Variants in CCDC71L observed in about 807,000 individuals in gnomAD.
CCDC71L encodes the protein coiled-coil domain-containing protein 71L.
In CCDC71L, 6 loss-of-function variants were observed where a neutral mutation model predicts 10.2. The ratio of observed to expected loss-of-function variants is 0.59; its 90% CI spans 0.32 to 1.16. CCDC71L has a LOEUF of 1.16. CCDC71L is among the 50% of genes most tolerant of loss of function. CCDC71L has a pLI of 0.05. For missense variants in CCDC71L, 366 were observed against 383.4 expected (o/e 0.95, Z 0.38); for synonymous variants, 204 against 175.5 (o/e 1.16, Z -1.28).
At position 106,660,865 on chromosome 7, in the gene CCDC71L, C is replaced by A; in HGVS notation, c.32G>T (p.Arg11Leu). 6.8e-7 allele frequency: 1 copy of A among 1,463,146 alleles called. No homozygotes were observed. Among genetic ancestry groups the A allele is most frequent in the Non-Finnish European group, 9.0e-7 (1 of 1,114,358 alleles). The allele number at this position is 1,463,146 out of a possible 1,614,324, so 90.6% of individuals were successfully genotyped here. A position where few individuals can be genotyped will look rare whatever the true frequency, so the allele number is the denominator to read the frequency against. Residue 11 changes from arginine (R) to leucine (L), a missense_variant, in exon 1 of 1, where the codon CGG becomes CTG. Coordinates refer to ENST00000523505, the MANE Select transcript of CCDC71L (RefSeq NM_175884.6). The surrounding 1 kb of genome is among the most constrained non-coding windows in gnomAD (Gnocchi z 7.5). Reference sequence around the variant, plus strand: ...GGCCGTGGCCGGGGCGACCGGGCGCCGGCGCCGCCGCCTCTTCATACTGCG... The same window carrying A: ...GGCCGTGGCCGGGGCGACCGGGCGCAGGCGCCGCCGCCTCTTCATACTGCG... MRRSMKRRRRRRPVAPATAAR... is the reference protein window; with the variant it reads MRRSMKRRRRLRPVAPATAAR...
Position 106,660,996 on chromosome 7 carries a change from C to T in CCDC71L, c.-100G>A. The T allele has an allele frequency of 4.7e-6, 6 of 1,288,912 alleles. No individual in the cohort carries two copies. The highest frequency in any genetic ancestry group is 5.9e-6 in the Non-Finnish European group (6 of 1,019,808). 79.8% of individuals were successfully genotyped at this position (1,288,912 alleles called of 1,614,324 possible). ...GCGGCGGCGGCTGCTGCTGGCGTCT[C>T]TCGCTACTTTTCTCGCCTCCGCCGC... On this transcript the variant is annotated 5_prime_UTR_variant, in exon 1 of 1. Coordinates refer to ENST00000523505, the MANE Select transcript of CCDC71L (RefSeq NM_175884.6). This position sits in a 1 kb window ranked among gnomAD's most constrained non-coding sequence, Gnocchi z 7.5.
At position 106,660,912 on chromosome 7, in the gene CCDC71L, GC is replaced by G; in HGVS notation, c.-17del. 7.4e-7 allele frequency: 1 copy of G among 1,356,690 alleles called. No individual in the cohort carries two copies. The highest frequency in any genetic ancestry group is 9.4e-7 in the Non-Finnish European group (1 of 1,058,438). 84.0% of individuals were successfully genotyped at this position (1,356,690 alleles called of 1,614,324 possible). On this transcript the variant is annotated 5_prime_UTR_variant, in exon 1 of 1. Coordinates refer to ENST00000523505, the MANE Select transcript of CCDC71L (RefSeq NM_175884.6). This position sits in a 1 kb window ranked among gnomAD's most constrained non-coding sequence, Gnocchi z 7.5. ...TGCGCCGCATCGAAGGCCGCTCCGG[GC>G]CACTCACGCTCGCCGGGTCCCACTA...
In CCDC71L at chr7:106,654,585, T is replaced by G. The variant is rs1477952146; in HGVS notation, c.*5604A>C. ...TAGACACATGACCAATAATTCCATT[T>G]ATGTAAAGTTCAAAAATAAGCAAAA... On this transcript the variant is annotated 3_prime_UTR_variant, in exon 1 of 1. Coordinates refer to ENST00000523505, the MANE Select transcript of CCDC71L (RefSeq NM_175884.6). Among the ~76,000 whole-genome samples, 1 of 152,138 alleles carries G rather than the reference T, an allele frequency of 6.6e-6. No individual in the cohort carries two copies. The highest frequency in any genetic ancestry group is 6.5e-5 in the Admixed American group (1 of 15,278).
rs1792582679 is a variant in CCDC71L, at chr7:106,660,830, C to A, written c.67G>T (p.Gly23Cys). ...GCCCCGTCTTCTGCCCTAAAGTCGCCGCCCCGGGCGGCCGTGGCCGGGGCG... is the reference window on the plus strand; with the variant it reads ...GCCCCGTCTTCTGCCCTAAAGTCGCAGCCCCGGGCGGCCGTGGCCGGGGCG... ...PVAPATAARGGDFRAEDGAGL... is the reference protein window; with the variant it reads ...PVAPATAARGCDFRAEDGAGL... Residue 23 changes from glycine (G) to cysteine (C), a missense_variant, in exon 1 of 1, where the codon GGC (glycine) becomes TGC (cysteine). Gly to Cys is a radical substitution (Grantham distance 159). Transcript: ENST00000523505. The surrounding 1 kb of genome is among the most constrained non-coding windows in gnomAD (Gnocchi z 7.5). 6.5e-7 allele frequency: 1 copy of A among 1,528,078 alleles called. No individual in the cohort carries two copies. The highest frequency in any genetic ancestry group is 8.8e-7 in the Non-Finnish European group (1 of 1,138,318). The allele number at this position is 1,528,078 out of a possible 1,614,324, so 94.7% of individuals were successfully genotyped here.
rs778725958 is a variant in CCDC71L, at chr7:106,660,654, G to T, written c.243C>A (p.Leu81=). 1 of 1,589,286 alleles carries T rather than the reference G, an allele frequency of 6.3e-7. No individual in the cohort carries two copies. Among genetic ancestry groups the T allele is most frequent in the Non-Finnish European group, 8.6e-7 (1 of 1,168,094 alleles). The part of the protein sequence containing the change: ...MSSDAELWSF[L]CSLKHQFSPH... ...GGGAGAACTGGTGCTTGAGGCTGCA[G>T]AGGAAGCTCCAGAGCTCCGCGTCCG... The change falls in exon 1 of 1, where the codon CTC becomes CTA. Residue 81 remains leucine, a synonymous_variant. Transcript: ENST00000523505. The surrounding 1 kb of genome is among the most constrained non-coding windows in gnomAD (Gnocchi z 7.5).
In CCDC71L at chr7:106,660,469, C is replaced by T; in HGVS notation, c.428G>A (p.Arg143His). The T allele has an allele frequency of 3.3e-6, 4 of 1,225,304 alleles. No individual in the cohort carries two copies. Among genetic ancestry groups the T allele is most frequent in the Non-Finnish European group, 3.0e-6 (3 of 985,304 alleles). The allele number at this position is 1,225,304 out of a possible 1,614,324, so 75.9% of individuals were successfully genotyped here. A position where few individuals can be genotyped will look rare whatever the true frequency, so the allele number is the denominator to read the frequency against. ...RRRGARAAAARRRKPRPPPPP... is the reference protein window; with the variant it reads ...RRRGARAAAAHRRKPRPPPPP... ...GGGTGGCGGCCGGGGCTTCCTCCTGCGGGCAGCGGCCGCCCGGGCTCCGCG... is the reference window on the plus strand; with the variant it reads ...GGGTGGCGGCCGGGGCTTCCTCCTGTGGGCAGCGGCCGCCCGGGCTCCGCG... Residue 143 changes from arginine to histidine, a missense_variant, in exon 1 of 1, where the codon CGC becomes CAC. Arg to His is a conservative substitution (Grantham distance 29). Transcript: ENST00000523505. This position sits in a 1 kb window ranked among gnomAD's most constrained non-coding sequence, Gnocchi z 7.5.
In CCDC71L at chr7:106,660,528, C is replaced by T. The variant is rs1412876760; in HGVS notation, c.369G>A (p.Arg123=). 6 of 1,453,572 alleles carry T rather than the reference C, an allele frequency of 4.1e-6. No homozygotes were observed. The highest frequency in any genetic ancestry group is 3.0e-5 in the African/African-American group (2 of 67,678). The allele number at this position is 1,453,572 out of a possible 1,614,324, so 90.0% of individuals were successfully genotyped here. A position where few individuals can be genotyped will look rare whatever the true frequency, so the allele number is the denominator to read the frequency against. ...GPPTARGQAR[R]PVPRAAARRR... ...TCCTGGCCGCTGCGCGCGGAACCGG[C>T]CGGCGCGCCTGGCCGCGGGCTGTAG... The change falls in exon 1 of 1, where the codon CGG becomes CGA. Residue 123 remains arginine (R), a synonymous_variant. Coordinates refer to ENST00000523505, the MANE Select transcript of CCDC71L (RefSeq NM_175884.6). This position sits in a 1 kb window ranked among gnomAD's most constrained non-coding sequence, Gnocchi z 7.5.
At position 106,656,958 on chromosome 7, in the gene CCDC71L, C is replaced by T. The variant is rs1792501702; in HGVS notation, c.*3231G>A. Reference sequence around the variant, plus strand: ...TTTAAACACACCAATAAATATTAGGCATGTATGTCCATTAAAAACCATTAA... The same window carrying T: ...TTTAAACACACCAATAAATATTAGGTATGTATGTCCATTAAAAACCATTAA... On this transcript the variant is annotated 3_prime_UTR_variant, in exon 1 of 1. Transcript: ENST00000523505. The T allele has an allele frequency of 6.6e-6, 1 of 152,174 alleles. No homozygotes were observed. The highest frequency in any genetic ancestry group is 2.1e-4 in the South Asian group (1 of 4,834). The allele number at this position is 152,174 out of a possible 1,614,324, so 9.4% of individuals were successfully genotyped here.
Position 106,661,134 on chromosome 7 carries a change from TG to T in CCDC71L, c.-239del. The T allele has an allele frequency of 2.2e-6, 1 of 456,102 alleles. No individual in the cohort carries two copies. The allele number at this position is 456,102 out of a possible 1,614,324, so 28.3% of individuals were successfully genotyped here. A position where few individuals can be genotyped will look rare whatever the true frequency, so the allele number is the denominator to read the frequency against. Reference sequence around the variant, plus strand: ...GTCATTGGACGGCGCCTCGCCCCCCTGGTTTCTCTTTCTTCTCCTCTCTTGC... The same window carrying T: ...GTCATTGGACGGCGCCTCGCCCCCCTGTTTCTCTTTCTTCTCCTCTCTTGC... On this transcript the variant is annotated 5_prime_UTR_variant, in exon 1 of 1. Transcript: ENST00000523505.
Position 106,660,651 on chromosome 7 carries a change from G to A in CCDC71L, c.246C>T (p.Cys82=), listed in dbSNP as rs757091959. The A allele has an allele frequency of 1.9e-6, 3 of 1,588,994 alleles. No homozygotes were observed. In the African/African-American group the frequency reaches 4.0e-5, roughly 21 times the overall value. The change falls in exon 1 of 1, where the codon TGC becomes TGT. Residue 82 remains cysteine, a synonymous_variant. Transcript: ENST00000523505. This position sits in a 1 kb window ranked among gnomAD's most constrained non-coding sequence, Gnocchi z 7.5. ...SSDAELWSFL[C]SLKHQFSPHI... is the part of the protein sequence containing the mutation. ...GCGGGGAGAACTGGTGCTTGAGGCT[G>A]CAGAGGAAGCTCCAGAGCTCCGCGT... is the stretch of plus-strand genomic sequence containing the variant.
chr7:106,660,818 C>T lies in CCDC71L; in HGVS notation c.79G>A (p.Ala27Thr). 1 of 1,534,982 alleles carries T rather than the reference C, an allele frequency of 6.5e-7. No homozygotes were observed. The highest frequency in any genetic ancestry group is 2.1e-5 in the Admixed American group (1 of 48,594). ...GCCTCCAACCCAGCCCCGTCTTCTGCCCTAAAGTCGCCGCCCCGGGCGGCC... is the reference window on the plus strand; with the variant it reads ...GCCTCCAACCCAGCCCCGTCTTCTGTCCTAAAGTCGCCGCCCCGGGCGGCC... ...ATAARGGDFR[A>T]EDGAGLEARE... The change falls in exon 1 of 1, where the codon GCA becomes ACA. Residue 27 changes from alanine (A) to threonine (T), a missense_variant. By Grantham distance (58) the Ala-to-Thr change is moderately conservative. Transcript: ENST00000523505. This position sits in a 1 kb window ranked among gnomAD's most constrained non-coding sequence, Gnocchi z 7.5.
rs373438045 is a variant in CCDC71L, at chr7:106,654,905, C to T, written c.*5284G>A. On this transcript the variant is annotated 3_prime_UTR_variant, in exon 1 of 1. Transcript: ENST00000523505. ...AAAGAATATGTACTTGAAAAAAATC[C>T]TTGAAAAGAGAAATATGTACACATT... Among the ~76,000 whole-genome samples the T allele has an allele frequency of 6.6e-5, 10 of 151,744 alleles. No homozygotes were observed. Among genetic ancestry groups the T allele is most frequent in the African/African-American group, 2.2e-4 (9 of 41,358 alleles).
At position 106,660,338 on chromosome 7, in the gene CCDC71L, T is replaced by C. The variant is rs1792568624; in HGVS notation, c.559A>G (p.Thr187Ala). The C allele has an allele frequency of 1.3e-6, 2 of 1,485,350 alleles. No individual in the cohort carries two copies. The highest frequency in any genetic ancestry group is 8.9e-7 in the Non-Finnish European group (1 of 1,126,654). 92.0% of individuals were successfully genotyped at this position (1,485,350 alleles called of 1,614,324 possible). Residue 187 changes from threonine to alanine, a missense_variant, in exon 1 of 1, where the codon ACG (threonine) becomes GCG (alanine). Physicochemically the swap from Thr to Ala is moderately conservative, Grantham distance 58. Coordinates refer to ENST00000523505, the MANE Select transcript of CCDC71L (RefSeq NM_175884.6). This position sits in a 1 kb window ranked among gnomAD's most constrained non-coding sequence, Gnocchi z 7.5. ...LEEIWRAATPTLTTFPTIRVG... is the reference protein window; with the variant it reads ...LEEIWRAATPALTTFPTIRVG... ...CGGATGGTGGGGAAGGTGGTCAGCG[T>C]CGGGGTGGCCGCCCTCCAGATCTCC...
At position 106,660,985 on chromosome 7, in the gene CCDC71L, T is replaced by TGCTGG; in HGVS notation, c.-94_-90dup. ...GCGTTGGCTCCGCGGCGGCGGCTGC[T>TGCTGG]GCTGGCGTCTCTCGCTACTTTTCTC... On this transcript the variant is annotated 5_prime_UTR_variant, in exon 1 of 1. Coordinates refer to ENST00000523505, the MANE Select transcript of CCDC71L (RefSeq NM_175884.6). The surrounding 1 kb of genome is among the most constrained non-coding windows in gnomAD (Gnocchi z 7.5). 7.7e-7 allele frequency: 1 copy of TGCTGG among 1,292,484 alleles called. No individual in the cohort carries two copies. The highest frequency in any genetic ancestry group is 9.8e-7 in the Non-Finnish European group (1 of 1,022,532). 80.1% of individuals were successfully genotyped at this position (1,292,484 alleles called of 1,614,324 possible).
At position 106,660,091 on chromosome 7, in the gene CCDC71L, C is replaced by G. The variant is rs1363707116; in HGVS notation, c.*98G>C. ...AGTGCATTGGGGGCCGGGGTCCTGG[C>G]CGGATCTGTAAACACTCGACTGACA... On this transcript the variant is annotated 3_prime_UTR_variant, in exon 1 of 1. Coordinates refer to ENST00000523505, the MANE Select transcript of CCDC71L (RefSeq NM_175884.6). The surrounding 1 kb of genome is among the most constrained non-coding windows in gnomAD (Gnocchi z 7.5). 7.3e-7 allele frequency: 1 copy of G among 1,369,682 alleles called. No homozygotes were observed. Among genetic ancestry groups the G allele is most frequent in the Non-Finnish European group, 9.4e-7 (1 of 1,060,702 alleles). The allele number at this position is 1,369,682 out of a possible 1,614,324, so 84.8% of individuals were successfully genotyped here.
rs1792554061 is a variant in CCDC71L, at chr7:106,659,731, A to G, written c.*458T>C. The G allele has an allele frequency of 6.5e-6, 1 of 153,688 alleles. No individual in the cohort carries two copies. Among genetic ancestry groups the G allele is most frequent in the Non-Finnish European group, 1.5e-5 (1 of 68,758 alleles). 9.5% of individuals were successfully genotyped at this position (153,688 alleles called of 1,614,324 possible). A position where few individuals can be genotyped will look rare whatever the true frequency, so the allele number is the denominator to read the frequency against. ...ACTTCTGTCCACAAAGAGGGGTGACAGTGAAATAGAAAAAGGGGGAGATAA... is the reference window on the plus strand; with the variant it reads ...ACTTCTGTCCACAAAGAGGGGTGACGGTGAAATAGAAAAAGGGGGAGATAA... On this transcript the variant is annotated 3_prime_UTR_variant, in exon 1 of 1. Transcript: ENST00000523505.
rs1382268299 is a variant in CCDC71L, at chr7:106,659,958, G to A, written c.*231C>T. On this transcript the variant is annotated 3_prime_UTR_variant, in exon 1 of 1. Coordinates refer to ENST00000523505, the MANE Select transcript of CCDC71L (RefSeq NM_175884.6). The stretch of plus-strand genomic sequence containing the variant: ...GCGGGTCCAGCTGTCCCCTCCCTCC[G>A]CAGGCCGGGTACGGGAGGCAGCAGA... 3.7e-6 allele frequency: 2 copies of A among 538,874 alleles called. No homozygotes were observed. Among genetic ancestry groups the A allele is most frequent in the South Asian group, 2.9e-5 (1 of 34,140 alleles). 33.4% of individuals were successfully genotyped at this position (538,874 alleles called of 1,614,324 possible).
chr7:106,660,469 C>G lies in CCDC71L; in HGVS notation c.428G>C (p.Arg143Pro). 8.2e-7 allele frequency: 1 copy of G among 1,225,304 alleles called. No individual in the cohort carries two copies. The highest frequency in any genetic ancestry group is 4.0e-5 in the South Asian group (1 of 24,746). The allele number at this position is 1,225,304 out of a possible 1,614,324, so 75.9% of individuals were successfully genotyped here. A position where few individuals can be genotyped will look rare whatever the true frequency, so the allele number is the denominator to read the frequency against. Reference sequence around the variant, plus strand: ...GGGTGGCGGCCGGGGCTTCCTCCTGCGGGCAGCGGCCGCCCGGGCTCCGCG... The same window carrying G: ...GGGTGGCGGCCGGGGCTTCCTCCTGGGGGCAGCGGCCGCCCGGGCTCCGCG... ...RRRGARAAAA[R>P]RRKPRPPPPP... Residue 143 changes from arginine to proline, a missense_variant, in exon 1 of 1, where the codon CGC (arginine) becomes CCC (proline). Coordinates refer to ENST00000523505, the MANE Select transcript of CCDC71L (RefSeq NM_175884.6). This position sits in a 1 kb window ranked among gnomAD's most constrained non-coding sequence, Gnocchi z 7.5.
Position 106,660,261 on chromosome 7 carries a change from C to G in CCDC71L, c.636G>C (p.Arg212Ser). The part of the protein sequence containing the change: ...GERSLAAARR[R>S]ARQVLRVNLE... ...GGTTCACTCGCAGGACCTGGCGCGC[C>G]CTGCGCCGCGCTGCCGCCAGGCTGC... The change falls in exon 1 of 1, where the codon AGG (arginine) becomes AGC (serine). Residue 212 changes from arginine (R) to serine (S), a missense_variant. Transcript: ENST00000523505. The surrounding 1 kb of genome is among the most constrained non-coding windows in gnomAD (Gnocchi z 7.5). 1 of 1,572,580 alleles carries G rather than the reference C, an allele frequency of 6.4e-7. No individual in the cohort carries two copies. Among genetic ancestry groups the G allele is most frequent in the Non-Finnish European group, 8.6e-7 (1 of 1,169,486 alleles).
Sources: allele counts gnomAD v4.1 joint callset (sites outside exome capture counted in the v4.1 genomes callset), GRCh38; gene constraint gnomAD v4.1.1; non-coding constraint Gnocchi (gnomAD v3.1); transcripts MANE v1.5; gene names NCBI Gene and HGNC (gene_info 2026-07-23, HGNC 2026-07-21).